FGFR2: variants seen among roughly 807,000 people sequenced by gnomAD.
The protein encoded by FGFR2 is BEK fibroblast growth factor receptor.
Under a neutral mutation model 95.9 loss-of-function variants are expected in FGFR2, and 19 were observed. The ratio of observed to expected loss-of-function variants is 0.20; its 90% CI spans 0.14 to 0.29. The LOEUF (loss-of-function observed/expected upper bound fraction) is 0.29, where lower values mean the gene tolerates loss of function less well. Ranked by LOEUF, FGFR2 falls within the 10% of genes least tolerant of loss-of-function variation. FGFR2 has a pLI of 1.00. For missense variants in FGFR2, 707 were observed against 1,056.9 expected, an observed-to-expected ratio of 0.67 and a Z score of 4.59; for synonymous variants, 392 against 393.3, an observed-to-expected ratio of 1.00 and a Z score of 0.04.
At chr10:121,581,519 G>T (rs900182083) in intron 2 of FGFR2, among the ~76,000 whole-genome samples, 3 of 147,870 alleles carry the variant, frequency 2.0e-5, no homozygotes, top group Admixed American at 6.8e-5. Context: ...TGGGAGGATC[G>T]CTTGAGCCCA....
chr10:121,541,832 C>T (rs1413978513), intron 5 of FGFR2, among the ~76,000 whole-genome samples: 1 of 151,938 alleles, frequency 6.6e-6, no homozygotes, highest in Non-Finnish European at 1.5e-5. Context: ...TGAGAAAAAC[C>T]TTTGTGTAAA....
chr10:121,560,757 T>C (rs1313743942), intron 4 of FGFR2, among the ~76,000 whole-genome samples: 2 of 152,004 alleles, frequency 1.3e-5, no homozygotes, highest in East Asian at 3.9e-4. Flanking sequence ...TATTATCCAC[T>C]GTTTTACGAA....
At chr10:121,567,572 C>T (rs1857873815) in intron 2 of FGFR2, among the ~76,000 whole-genome samples, 1 of 152,204 alleles carries the variant, frequency 6.6e-6, no homozygotes, top group South Asian at 2.1e-4. Flanking sequence ...GTGGGGGTGA[C>T]AGACGATAGA....
rs754925091 is a variant in FGFR2, at chr10:121,551,473, CAGTATT to C, written c.455-20_455-15del. On this transcript the variant is annotated splice_polypyrimidine_tract_variant and intron_variant, in intron 4 of 17. Transcript: ENST00000358487. Reference sequence around the variant, plus strand: ...AGTATGGTGCTCCTGTTTTGGAAAACAGTATTAGAATGTATACTGATGGACAGCTTC... The same window carrying C: ...AGTATGGTGCTCCTGTTTTGGAAAACAGAATGTATACTGATGGACAGCTTC... 6.2e-6 allele frequency: 10 copies of C among 1,613,228 alleles called. No homozygotes were observed. The African/African-American group carries it at 8.0e-5, about 13-fold the overall frequency.
chr10:121,502,390 T>A (rs1847717708), intron 10 of FGFR2, among the ~76,000 whole-genome samples: 1 of 152,228 alleles, frequency 6.6e-6, no homozygotes, highest in Non-Finnish European at 1.5e-5. Context: ...GAGTGAGTGG[T>A]CTTTTCACTA....
At position 121,565,719 on chromosome 10, in the gene FGFR2, G is replaced by A. The variant is rs1459983875; in HGVS notation, c.110-15C>T. ...GGTTGGTGGCTCTGCAGAAAGGTGG[G>A]AGAGAGAAGACGGAGACAGATGGGA... On this transcript the variant is annotated splice_polypyrimidine_tract_variant and intron_variant, in intron 2 of 17. Transcript: ENST00000358487. The A allele has an allele frequency of 6.2e-7, 1 of 1,613,910 alleles. No homozygotes were observed. Among genetic ancestry groups the A allele is most frequent in the Admixed American group, 1.7e-5 (1 of 60,004 alleles).
chr10:121,588,766 C>G (rs1292667590), intron 2 of FGFR2, among the ~76,000 whole-genome samples: 3 of 151,926 alleles, frequency 2.0e-5, no homozygotes, highest in African/African-American at 7.3e-5. Flanking sequence ...TAAAAATTAT[C>G]CAGGCCTGTA....
At chr10:121,551,884 G>C (rs1181359747) in intron 4 of FGFR2, among the ~76,000 whole-genome samples, 1 of 152,086 alleles carries the variant, frequency 6.6e-6, no homozygotes, top group Non-Finnish European at 1.5e-5. Context: ...AAAGCAAGTT[G>C]TTCTCAAAAG....
intron 10 of FGFR2, among the ~76,000 whole-genome samples, chr10:121,503,372 G>A (rs1008278724): frequency 3.2e-4 from 48 of 152,162 alleles, no homozygotes; most frequent in African/African-American, 1.1e-3. Flanking sequence ...ACTGGGTAGC[G>A]GTCCTTAAGG....
At chr10:121,499,835 C>T (rs939302373) in intron 11 of FGFR2, among the ~76,000 whole-genome samples, 1 of 152,216 alleles carries the variant, frequency 6.6e-6, no homozygotes, top group Non-Finnish European at 1.5e-5. Context: ...TCTAGTTTTC[C>T]TTGGGAGTCA....
chr10:121,532,029 C>G (rs189919575), intron 6 of FGFR2, among the ~76,000 whole-genome samples: 5 of 152,336 alleles, frequency 3.3e-5, no homozygotes, highest in South Asian at 2.1e-4. Context: ...TTTCTGCCCC[C>G]CTCCGGTGAG....
At chr10:121,493,370 C>T (rs1846380185) in intron 13 of FGFR2, among the ~76,000 whole-genome samples, 1 of 152,160 alleles carries the variant, frequency 6.6e-6, no homozygotes, top group African/African-American at 2.4e-5. Context: ...AGCTCCAAAA[C>T]AGGAAGGAGC....
intron 16 of FGFR2, among the ~76,000 whole-genome samples, chr10:121,484,605 AGTTAATCCTGGAG>A (rs1195267814): frequency 6.6e-6 from 1 of 152,184 alleles, no homozygotes; most frequent in Non-Finnish European, 1.5e-5. Context: ...CACTCTTCTT[AGTTAATCCTGGAG>A]GGGTTGAGGC....
At chr10:121,581,071 C>G (rs985263535) in intron 2 of FGFR2, among the ~76,000 whole-genome samples, 2 of 152,206 alleles carry the variant, frequency 1.3e-5, no homozygotes, top group African/African-American at 2.4e-5. Flanking sequence ...GCAAGAAACT[C>G]TGCCAATTAG....
At chr10:121,509,419 G>A (rs1589800473) in intron 9 of FGFR2, among the ~76,000 whole-genome samples, 2 of 95,146 alleles carry the variant, frequency 2.1e-5, no homozygotes, top group Admixed American at 2.2e-4. Context: ...AAGTGAGGAA[G>A]TGTTTTTTTT....
chr10:121,527,033 G>A (rs559173896), intron 6 of FGFR2: 2 of 340,314 alleles, frequency 5.9e-6, no homozygotes, highest in African/African-American at 2.1e-5. Flanking sequence ...TATGGAGGCT[G>A]CACCCTGTGA....
intron 6 of FGFR2, chr10:121,526,714 G>C (rs1326305587): frequency 5.0e-6 from 2 of 398,494 alleles, no homozygotes; most frequent in Non-Finnish European, 4.4e-6. Flanking sequence ...TGGGATGCTG[G>C]GCACCCAGAA....
At chr10:121,480,836 C>T (rs1014762914) in intron 17 of FGFR2, among the ~76,000 whole-genome samples, 5 of 152,202 alleles carry the variant, frequency 3.3e-5, no homozygotes, top group Admixed American at 1.3e-4. Flanking sequence ...CAGGGTGACA[C>T]TTCCTCCGAC....
intron 2 of FGFR2, among the ~76,000 whole-genome samples, chr10:121,592,167 C>A (rs570901038): frequency 5.3e-5 from 8 of 152,258 alleles, no homozygotes; most frequent in African/African-American, 1.9e-4. Context: ...GAGCCACGCA[C>A]TCAAGGGAAA....
Sources: allele counts gnomAD v4.1 joint callset (sites outside exome capture counted in the v4.1 genomes callset), GRCh38; gene constraint gnomAD v4.1.1; transcripts MANE v1.5; gene names NCBI Gene and HGNC (gene_info 2026-07-23, HGNC 2026-07-21).